The following TPR variants were observed in gnomAD, a reference collection of about 807,000 sequenced individuals.
TPR encodes the protein nucleoprotein TPR.
TPR carries 51 observed loss-of-function variants against 316.1 expected under a neutral mutation model. That is an observed-to-expected ratio of 0.16 (90% confidence interval 0.13 to 0.20). The LOEUF is 0.20. Among genes scored for constraint, TPR ranks in the 10% least tolerant of loss-of-function variants. The pLI, the probability that TPR is intolerant of heterozygous loss-of-function variation, is 1.00. For synonymous variants in TPR, 981 were observed against 914.7 expected (o/e 1.07, Z -1.31); for missense variants, 2,272 against 2,754.8 (o/e 0.82, Z 3.92).
In TPR at chr1:186,335,497, C is replaced by T. The variant is rs1415846009; in HGVS notation, c.4752G>A (p.Arg1584=). 3.7e-6 allele frequency: 6 copies of T among 1,613,028 alleles called. No homozygotes were observed. Among genetic ancestry groups the T allele is most frequent in the Non-Finnish European group, 3.4e-6 (4 of 1,179,452 alleles). ...LTKENEELKQ[R]NGALDQQKDE... ...CTTTCTGCTGATCTAAGGCTCCATT[C>T]CTTTGTTTAAGCTCCTCATTTTCTT... Residue 1584 remains arginine (R), a synonymous_variant, in exon 34 of 51, where the codon AGG becomes AGA. Coordinates refer to ENST00000367478, the MANE Select transcript of TPR (RefSeq NM_003292.3).
rs1384561715 is a variant in TPR at position 186,341,265 on chromosome 1, T to C, written c.3875A>G (p.Gln1292Arg). The stretch of plus-strand genomic sequence containing the variant: ...TAAGCAACAAACCTTTGCTTGCATT[T>C]GCTGTAGATCCTGTTCTAGTCTCTC... ...EKERLEQDLQ[Q>R]MQAKVRKLEL... Residue 1292 changes from glutamine (Q) to arginine (R), a missense_variant, in exon 28 of 51, where the codon CAA becomes CGA. Gln to Arg is a conservative substitution (Grantham distance 43). Coordinates refer to ENST00000367478, the MANE Select transcript of TPR (RefSeq NM_003292.3). The C allele has an allele frequency of 1.2e-6, 2 of 1,613,874 alleles. No homozygotes were observed.
At chr1:186,370,062 A>G (rs1659475842) in intron 3 of TPR, among the ~76,000 whole-genome samples, 2 of 152,090 alleles carry the variant, frequency 1.3e-5, no homozygotes, top group Non-Finnish European at 1.5e-5. Context: ...ACTGCCTTTT[A>G]TTCTCTGTAC....
intron 24 of TPR, among the ~76,000 whole-genome samples, chr1:186,344,919 C>T (rs999958909): frequency 5.9e-5 from 9 of 152,046 alleles, no homozygotes; most frequent in African/African-American, 2.2e-4. Context: ...TAGCAATATA[C>T]ACGTCACATA....
rs769398694 is a variant in TPR, at chr1:186,323,855, C to T, written c.6128G>A (p.Gly2043Asp). The change falls in exon 43 of 51, where the codon GGT (glycine) becomes GAT (aspartate). Residue 2043 changes from glycine (G) to aspartate (D), a missense_variant. Gly to Asp is a moderately conservative substitution (Grantham distance 94, BLOSUM62 -1). Coordinates refer to ENST00000367478, the MANE Select transcript of TPR (RefSeq NM_003292.3). Reference sequence around the variant, plus strand: ...CTGAGAAAAAGAAGATTCTGCAGCACCTGTATTTCCTTCACCTGTAGGAAA... The same window carrying T: ...CTGAGAAAAAGAAGATTCTGCAGCATCTGTATTTCCTTCACCTGTAGGAAA... ...DSQNSGEGNT[G>D]AAESSFSQEV... 8 of 1,541,268 alleles carry T rather than the reference C, an allele frequency of 5.2e-6. No individual in the cohort carries two copies. The highest frequency in any genetic ancestry group is 1.4e-5 in the African/African-American group (1 of 69,396).
chr1:186,314,865 A>G (rs1214301172), intron 49 of TPR, 141 bp from the exon 50 acceptor site: 2 of 533,054 alleles, frequency 3.8e-6, no homozygotes, highest in East Asian at 6.7e-5. Flanking sequence ...TCAAACAATG[A>G]GGAACATTTA....
chr1:186,312,535 C>T lies in TPR; in HGVS notation c.*1436G>A, dbSNP rs2102039866. On this transcript the variant is annotated 3_prime_UTR_variant, in exon 51 of 51. Transcript: ENST00000367478. ...ACTTGCCTTAGTGAATAACCAAAGA[C>T]CAATACTTTCTTTTTCCTTGTGGGT... The T allele has an allele frequency of 1.2e-6, 1 of 820,200 alleles. No individual in the cohort carries two copies. The highest frequency in any genetic ancestry group is 1.9e-6 in the Non-Finnish European group (1 of 533,434). 50.8% of individuals were successfully genotyped at this position (820,200 alleles called of 1,614,324 possible).
chr1:186,330,567 T>C (rs1658128090), intron 39 of TPR, among the ~76,000 whole-genome samples: 1 of 152,070 alleles, frequency 6.6e-6, no homozygotes, highest in South Asian at 2.1e-4. Context: ...TATGCTCAGT[T>C]CCCCTCATAA....
chr1:186,338,339 C>CTT, intron 30 of TPR, 96 bp from the exon 31 acceptor site: 16 of 957,960 alleles, frequency 1.7e-5, no homozygotes, highest in South Asian at 1.9e-5. Flanking sequence ...GCTTTAATAA[C>CTT]TTTTTTTTTT....
At chr1:186,368,769 C>T (rs1195572749) in intron 3 of TPR, among the ~76,000 whole-genome samples, 7 of 152,026 alleles carry the variant, frequency 4.6e-5, no homozygotes, top group Non-Finnish European at 8.8e-5. Flanking sequence ...GATGTAGTTC[C>T]GTTTATTTCT....
intron 12 of TPR, 106 bp downstream of exon 12, chr1:186,359,693 C>T (rs183460755): frequency 2.7e-5 from 30 of 1,131,204 alleles, no homozygotes; most frequent in South Asian, 4.8e-5. Flanking sequence ...TATTGAAAAT[C>T]GTATTTAGAT....
chr1:186,354,194 T>G (rs545112640), intron 17 of TPR, among the ~76,000 whole-genome samples: 65 of 152,338 alleles, frequency 4.3e-4, no homozygotes, highest in African/African-American at 1.5e-3. Context: ...GTGGCTTGTG[T>G]AATAAGGTAA....
At position 186,353,744 on chromosome 1, in the gene TPR, T is replaced by C; in HGVS notation, c.2278A>G (p.Ile760Val). 1 of 1,614,172 alleles carries C rather than the reference T, an allele frequency of 6.2e-7. No homozygotes were observed. Among genetic ancestry groups the C allele is most frequent in the Non-Finnish European group, 8.5e-7 (1 of 1,180,024 alleles). Residue 760 changes from isoleucine (I) to valine (V), a missense_variant, in exon 18 of 51, where the codon ATC becomes GTC. Ile to Val is a conservative substitution (Grantham distance 29). Around this residue, in one of 10 missense-constraint regions of TPR, gnomAD observed 757 missense variants for 859.8 expected, o/e 0.88. Coordinates refer to ENST00000367478, the MANE Select transcript of TPR (RefSeq NM_003292.3). The part of the protein sequence containing the change: ...TATTQKQEQI[I>V]NTMTQDLRGA... ...CTCAAATCTTGAGTCATCGTATTGA[T>C]AATCTGTTCTTGCTTTTGAGTTGTG...
At position 186,315,271 on chromosome 1, in the gene TPR, T is replaced by C. The variant is rs112409342; in HGVS notation, c.6941-547A>G. On this transcript the variant is annotated intron_variant, in intron 49 of 50. Transcript: ENST00000367478. ...AAAAAAACCAGAAGTGCTTGACTTT[T>C]TTTCATTCATTCACTTATATTAATA... is the stretch of plus-strand genomic sequence containing the variant. 8.3e-4 allele frequency among the ~76,000 whole-genome samples: 127 copies of C among 152,104 alleles called. 2 individuals carry two copies. The highest frequency in any genetic ancestry group is 2.9e-3 in the African/African-American group (120 of 41,510).
At chr1:186,364,797 T>C (rs1659288836) in intron 4 of TPR, among the ~76,000 whole-genome samples, 1 of 152,148 alleles carries the variant, frequency 6.6e-6, no homozygotes, top group Non-Finnish European at 1.5e-5. Flanking sequence ...TGTACTATTC[T>C]GGAAAAAACA....
At chr1:186,330,605 C>T (rs959984097) in intron 39 of TPR, among the ~76,000 whole-genome samples, 2 of 152,058 alleles carry the variant, frequency 1.3e-5, no homozygotes, top group African/African-American at 4.8e-5. Flanking sequence ...CCAAAACCTG[C>T]TGAATATGCA....
At chr1:186,339,611 T>C (rs776248641) in intron 30 of TPR, 31 bp downstream of exon 30, 12 of 1,465,032 alleles carry the variant, frequency 8.2e-6, no homozygotes, top group Non-Finnish European at 9.0e-6. Context: ...TCTTTTATAT[T>C]ATATATGATT....
chr1:186,321,243 T>G (rs1467017142), intron 45 of TPR, among the ~76,000 whole-genome samples: 1 of 152,218 alleles, frequency 6.6e-6, no homozygotes, highest in Admixed American at 6.5e-5. Flanking sequence ...TGAGCAAGTT[T>G]AAAACTGGTT....
At chr1:186,341,612 CA>C (rs1658507581) in intron 27 of TPR, 2 of 476,152 alleles carry the variant, frequency 4.2e-6, no homozygotes, top group Admixed American at 7.6e-5. Flanking sequence ...AAAGATGCTA[CA>C]AATCCCACCA....
intron 50 of TPR, 181 bp downstream of exon 50, chr1:186,314,448 G>T: frequency 4.5e-6 from 2 of 440,416 alleles, no homozygotes; most frequent in Non-Finnish European, 8.0e-6. Flanking sequence ...TATATCTAAG[G>T]TATACAAATC....
Sources: gnomAD v4.1 joint callset for allele counts (sites outside exome capture counted in the v4.1 genomes callset) on GRCh38, gnomAD v4.1.1 for gene constraint, gnomAD v4.1.1 regional missense constraint, MANE v1.5 for transcripts, NCBI Gene and HGNC (gene_info 2026-07-23, HGNC 2026-07-21) for gene names.